The following NRG3 variants were observed in gnomAD, a reference collection of about 807,000 sequenced individuals.
The protein encoded by NRG3 is neuregulin 3.
Under a neutral mutation model 66.9 loss-of-function variants are expected in NRG3, and 31 were observed. The observed-to-expected ratio is 0.46, with a 90% confidence interval of 0.35 to 0.63. The LOEUF is 0.63. Among genes scored for constraint, NRG3 ranks in the 20% least tolerant of loss-of-function variants. The pLI is 0.00. For missense variants in NRG3, 910 were observed against 878.9 expected, an observed-to-expected ratio of 1.04 and a Z score of -0.45; for synonymous variants, 393 against 359.4, an observed-to-expected ratio of 1.09 and a Z score of -1.06.
chr10:82,349,531 C>G (rs966828505), intron 1 of NRG3, among the ~76,000 whole-genome samples: 4 of 151,994 alleles, frequency 2.6e-5, no homozygotes, highest in Non-Finnish European at 5.9e-5. Flanking sequence ...TGTCTGTGCC[C>G]TGCCCTCAGA....
chr10:82,323,489 C>CT (rs112236835), intron 1 of NRG3, among the ~76,000 whole-genome samples: 1,495 of 136,730 alleles, frequency 0.011, 23 homozygotes, highest in East Asian at 0.083. Flanking sequence ...ACATATTATC[C>CT]TTTTTTTTTT....
At chr10:81,902,099 G>T (rs767030966) in intron 1 of NRG3, among the ~76,000 whole-genome samples, 1 of 152,122 alleles carries the variant, frequency 6.6e-6, no homozygotes, top group East Asian at 1.9e-4. Flanking sequence ...GGATCTCTGC[G>T]TATTTTGTGA....
chr10:81,985,952 T>C (rs1333221954), intron 1 of NRG3, among the ~76,000 whole-genome samples: 1 of 152,196 alleles, frequency 6.6e-6, no homozygotes, highest in East Asian at 1.9e-4. Flanking sequence ...AAGTGGTAAG[T>C]CACAGTGCCA....
intron 2 of NRG3, among the ~76,000 whole-genome samples, chr10:82,366,600 T>C (rs1305847195): frequency 1.3e-5 from 2 of 149,548 alleles, no homozygotes; most frequent in East Asian, 3.9e-4. Context: ...TAACGGGCCA[T>C]AATTGTGTCA....
intron 1 of NRG3, among the ~76,000 whole-genome samples, chr10:82,018,380 C>G (rs886616917): frequency 2.0e-5 from 3 of 152,118 alleles, no homozygotes; most frequent in Admixed American, 6.5e-5. Flanking sequence ...ATGCCTCCAG[C>G]TTTGTTCTTT....
chr10:82,355,607 G>GAAA (rs76719788), intron 1 of NRG3, among the ~76,000 whole-genome samples: 26,895 of 151,936 alleles, frequency 0.18, 2,733 homozygotes, highest in East Asian at 0.28. Context: ...ATTTAGTCAA[G>GAAA]AAAAATCTAA....
At chr10:82,177,806 A>G (rs890527365) in intron 1 of NRG3, among the ~76,000 whole-genome samples, 2 of 152,182 alleles carry the variant, frequency 1.3e-5, no homozygotes, top group East Asian at 3.8e-4. Flanking sequence ...ATAAACTAAA[A>G]GAAAGATTAA....
chr10:82,460,291 G>A (rs758326213), intron 2 of NRG3, among the ~76,000 whole-genome samples: 9 of 152,224 alleles, frequency 5.9e-5, no homozygotes, highest in East Asian at 5.8e-4. Context: ...TCCTGGCTTC[G>A]TTATTTGCTT....
intron 3 of NRG3, among the ~76,000 whole-genome samples, chr10:82,801,882 G>T (rs1294666410): frequency 2.0e-5 from 3 of 152,162 alleles, no homozygotes; most frequent in Non-Finnish European, 2.9e-5. Flanking sequence ...CACTCAACAT[G>T]ATCCATTGCT....
chr10:81,933,749 C>G (rs1432731872), intron 1 of NRG3, among the ~76,000 whole-genome samples: 1 of 152,130 alleles, frequency 6.6e-6, no homozygotes, highest in East Asian at 1.9e-4. Context: ...TAAAGGTAAG[C>G]TAACTATAAG....
At chr10:82,851,463 A>AT (rs1393009775) in intron 3 of NRG3, among the ~76,000 whole-genome samples, 2 of 151,980 alleles carry the variant, frequency 1.3e-5, no homozygotes, top group Admixed American at 6.6e-5. Flanking sequence ...GACATTTTGG[A>AT]TTTTTTTCCA....
intron 1 of NRG3, among the ~76,000 whole-genome samples, chr10:82,037,670 A>T (rs1018600642): frequency 2.0e-5 from 3 of 152,168 alleles, no homozygotes; most frequent in Admixed American, 6.5e-5. Context: ...ATGAGGCCTT[A>T]TTCCAACTTC....
Position 82,258,497 on chromosome 10 carries a change from T to C in NRG3, c.824-100242T>C, listed in dbSNP as rs529873995. On this transcript the variant is annotated intron_variant, in intron 1 of 8. Coordinates refer to ENST00000372141, the MANE Select transcript of NRG3 (RefSeq NM_001010848.4). ...TAGGCAGGCATCCTTGTTGTATCTA[T>C]CATATGGATTTTCATGACACAGACT... 1.2e-4 allele frequency among the ~76,000 whole-genome samples: 18 copies of C among 152,286 alleles called. No individual in the cohort carries two copies. The East Asian group carries it at 2.7e-3, about 23-fold the overall frequency.
At chr10:82,682,251 A>C (rs1426768812) in intron 2 of NRG3, among the ~76,000 whole-genome samples, 1 of 151,060 alleles carries the variant, frequency 6.6e-6, no homozygotes, top group African/African-American at 2.5e-5. Flanking sequence ...TCGTCACCAC[A>C]AACCTTGTCA....
At chr10:82,129,921 A>G (rs2068701072) in intron 1 of NRG3, among the ~76,000 whole-genome samples, 3 of 151,984 alleles carry the variant, frequency 2.0e-5, no homozygotes, top group Non-Finnish European at 4.4e-5. Context: ...TCTGCTATCA[A>G]ATACTAGATC....
At chr10:82,839,013 C>A (rs973487182) in intron 3 of NRG3, among the ~76,000 whole-genome samples, 2 of 152,062 alleles carry the variant, frequency 1.3e-5, no homozygotes, top group African/African-American at 4.8e-5. Flanking sequence ...TTATTCACTA[C>A]CACGAGAACA....
chr10:81,902,325 T>C (rs997458351), intron 1 of NRG3, among the ~76,000 whole-genome samples: 1 of 152,194 alleles, frequency 6.6e-6, no homozygotes, highest in Non-Finnish European at 1.5e-5. Context: ...AGCCCTGGTG[T>C]ATGGACTGTT....
chr10:82,070,441 TTA>T (rs1267111328), intron 1 of NRG3, among the ~76,000 whole-genome samples: 3 of 152,206 alleles, frequency 2.0e-5, no homozygotes, highest in African/African-American at 7.2e-5. Flanking sequence ...TGAGTAAATT[TTA>T]TCTTTCCTTG....
rs145608754 is a variant in NRG3 at position 82,881,155 on chromosome 10, G to C, written c.1054+15718G>C. 2.1e-3 allele frequency among the ~76,000 whole-genome samples: 318 copies of C among 152,328 alleles called. 5 individuals are homozygous for C. The highest frequency in any genetic ancestry group is 7.5e-3 in the African/African-American group (312 of 41,570). On this transcript the variant is annotated intron_variant, in intron 4 of 8. Transcript: ENST00000372141. ...TTGTTTAACAAGGCAAACACAACCT[G>C]CAAGCTCATTGGTTCTGGGCAGGAT...
Sources: gnomAD v4.1 joint callset for allele counts (sites outside exome capture counted in the v4.1 genomes callset) on GRCh38, gnomAD v4.1.1 for gene constraint, MANE v1.5 for transcripts, NCBI Gene and HGNC (gene_info 2026-07-23, HGNC 2026-07-21) for gene names.